The following SYT16 variants were observed in gnomAD, a reference collection of about 807,000 sequenced individuals.
The protein encoded by SYT16 is synaptotagmin 16.
In SYT16, 42 loss-of-function variants were observed where a neutral mutation model predicts 61.4. The observed-to-expected ratio is 0.68, with a 90% CI of 0.53 to 0.89. The LOEUF (loss-of-function observed/expected upper bound fraction) is 0.89, where lower values mean the gene tolerates loss of function less well. Ranked by LOEUF, SYT16 falls within the 40% of genes least tolerant of loss-of-function variation. SYT16 has a pLI of 0.00. For missense variants in SYT16, 804 were observed against 807.3 expected (o/e 1.00, Z 0.05); for synonymous variants, 314 against 302.3 (o/e 1.04, Z -0.40).
At chr14:62,090,431 A>T (rs1595391418) in intron 7 of SYT16, among the ~76,000 whole-genome samples, 1 of 152,372 alleles carries the variant, frequency 6.6e-6, no homozygotes, top group African/African-American at 2.4e-5. Context: ...TGTGTGAAGA[A>T]CAAGTGGGAT....
At chr14:61,833,970 ATTTTTTTTTT>A (rs544826072) in intron 1 of SYT16, among the ~76,000 whole-genome samples, 1 of 117,292 alleles carries the variant, frequency 8.5e-6, no homozygotes, top group Non-Finnish European at 1.8e-5. Flanking sequence ...TCTGGCTTTG[ATTTTTTTTTT>A]TTTTTTTTTT....
chr14:61,945,550 C>T (rs1355947807), intron 1 of SYT16, among the ~76,000 whole-genome samples: 1 of 152,082 alleles, frequency 6.6e-6, no homozygotes, highest in Non-Finnish European at 1.5e-5. Context: ...GAATACTATG[C>T]AGTCATAAAA....
At chr14:61,859,154 C>T (rs1237162327) in intron 1 of SYT16, among the ~76,000 whole-genome samples, 1 of 151,882 alleles carries the variant, frequency 6.6e-6, no homozygotes, top group Non-Finnish European at 1.5e-5. Context: ...CCACCGCGCC[C>T]GGCCAGCCCC....
chr14:61,939,298 C>T (rs1413526640), intron 1 of SYT16, among the ~76,000 whole-genome samples: 1 of 152,162 alleles, frequency 6.6e-6, no homozygotes, highest in Non-Finnish European at 1.5e-5. Context: ...TGTTTTAGGG[C>T]CAGGAAGCAC....
intron 1 of SYT16, among the ~76,000 whole-genome samples, chr14:61,823,878 G>A (rs1413618463): frequency 3.3e-5 from 5 of 152,216 alleles, no homozygotes; most frequent in African/African-American, 1.2e-4. Flanking sequence ...GATTGTCTTA[G>A]AGTTTAAAAT....
At chr14:61,977,977 GTGGC>G (rs1370537882) in intron 2 of SYT16, among the ~76,000 whole-genome samples, 1 of 152,126 alleles carries the variant, frequency 6.6e-6, no homozygotes, top group African/African-American at 2.4e-5. Context: ...CTTGCTCCTG[GTGGC>G]TGGCAGTCAT....
intron 1 of SYT16, among the ~76,000 whole-genome samples, chr14:61,861,618 T>A (rs1206185088): frequency 1.3e-5 from 2 of 152,204 alleles, no homozygotes; most frequent in Non-Finnish European, 2.9e-5. Context: ...TTGCCCAGGC[T>A]GGTCTCGAAT....
intron 6 of SYT16, among the ~76,000 whole-genome samples, chr14:62,082,481 A>G (rs1331950181): frequency 6.6e-6 from 1 of 152,116 alleles, no homozygotes; most frequent in South Asian, 2.1e-4. Flanking sequence ...TATTGGCTCT[A>G]TCTTCAGGTA....
At chr14:61,957,595 G>A (rs373130501) in intron 1 of SYT16, among the ~76,000 whole-genome samples, 9 of 151,806 alleles carry the variant, frequency 5.9e-5, no homozygotes, top group African/African-American at 2.2e-4. Context: ...TGTTAATGAG[G>A]CATATTTCAT....
At position 62,102,007 on chromosome 14, in the gene SYT16, A is replaced by G. The variant is rs187556563; in HGVS notation, c.*1300A>G. 2.8e-4 allele frequency: 42 copies of G among 152,316 alleles called. No homozygotes were observed. Among genetic ancestry groups the G allele is most frequent in the African/African-American group, 6.7e-4 (28 of 41,574 alleles). The allele number at this position is 152,316 out of a possible 1,614,324, so 9.4% of individuals were successfully genotyped here. On this transcript the variant is annotated 3_prime_UTR_variant, in exon 8 of 8. Transcript: ENST00000683842. The stretch of plus-strand genomic sequence containing the variant: ...TTAATTTCAATTACTTTAAATTGGC[A>G]TTAATAAAAAAATAGGGAAAGAATG...
At chr14:61,819,258 T>C (rs1415926429) in intron 1 of SYT16, among the ~76,000 whole-genome samples, 2 of 152,198 alleles carry the variant, frequency 1.3e-5, no homozygotes, top group African/African-American at 4.8e-5. Flanking sequence ...TCATTAACTA[T>C]TATTTAGCAT....
intron 2 of SYT16, among the ~76,000 whole-genome samples, chr14:61,993,238 G>A (rs1208774374): frequency 6.7e-6 from 1 of 148,746 alleles, no homozygotes; most frequent in Non-Finnish European, 1.5e-5. Context: ...ACAGGAAGGG[G>A]AACATCACAC....
chr14:61,922,172 CTA>C (rs768922190), intron 1 of SYT16, among the ~76,000 whole-genome samples: 4 of 152,164 alleles, frequency 2.6e-5, no homozygotes, highest in Non-Finnish European at 5.9e-5. Flanking sequence ...CCTAGCAATC[CTA>C]TTACTGGGTA....
At chr14:61,976,675 A>G (rs1282268965) in intron 2 of SYT16, among the ~76,000 whole-genome samples, 2 of 152,114 alleles carry the variant, frequency 1.3e-5, no homozygotes, top group Non-Finnish European at 2.9e-5. Flanking sequence ...GAGACTGTAC[A>G]AAACAGCAAG....
At chr14:62,055,665 A>G (rs567786200) in intron 3 of SYT16, among the ~76,000 whole-genome samples, 1 of 152,316 alleles carries the variant, frequency 6.6e-6, no homozygotes, top group African/African-American at 2.4e-5. Context: ...CCTTAGGTGA[A>G]TAATCAGCAA....
At chr14:61,829,166 T>C (rs1456948348) in intron 1 of SYT16, among the ~76,000 whole-genome samples, 1 of 152,234 alleles carries the variant, frequency 6.6e-6, no homozygotes, top group Non-Finnish European at 1.5e-5. Flanking sequence ...GTAGACTTGT[T>C]GGCATTCTGC....
intron 1 of SYT16, among the ~76,000 whole-genome samples, chr14:61,960,187 C>T (rs2051059884): frequency 6.6e-6 from 1 of 152,040 alleles, no homozygotes; most frequent in African/African-American, 2.4e-5. Flanking sequence ...CATTCAGGCT[C>T]TTTTTTGTTT....
chr14:61,896,410 G>A (rs547064597), intron 1 of SYT16, among the ~76,000 whole-genome samples: 1 of 152,290 alleles, frequency 6.6e-6, no homozygotes, highest in African/African-American at 2.4e-5. Flanking sequence ...AAGGGTTTTG[G>A]GAAGAGGATA....
At chr14:61,861,558 C>T (rs76466404) in intron 1 of SYT16, among the ~76,000 whole-genome samples, 20,803 of 152,104 alleles carry the variant, frequency 0.14, 1,568 homozygotes, top group African/African-American at 0.2. Flanking sequence ...GCACGTGCCA[C>T]CATGCCTGGC....
Sources: allele counts gnomAD v4.1 joint callset (sites outside exome capture counted in the v4.1 genomes callset), GRCh38; gene constraint gnomAD v4.1.1; transcripts MANE v1.5; gene names NCBI Gene and HGNC (gene_info 2026-07-23, HGNC 2026-07-21).